The following PFKFB3 variants were observed in gnomAD, a reference collection of about 807,000 sequenced individuals.
The protein encoded by PFKFB3 is 6-phosphofructo-2-kinase/fructose-2,6-bisphosphatase 3.
Under a neutral mutation model 68.0 loss-of-function variants are expected in PFKFB3, and 33 were observed. The observed-to-expected ratio is 0.49, with a 90% confidence interval of 0.37 to 0.65. The LOEUF (loss-of-function observed/expected upper bound fraction) is 0.65. PFKFB3 is among the 30% of genes least tolerant of loss of function. PFKFB3 has a pLI of 0.00. For synonymous variants in PFKFB3, 315 were observed against 288.2 expected (o/e 1.09, Z -0.94); for missense variants, 586 against 712.2 (o/e 0.82, Z 2.02).
intron 14 of PFKFB3, among the ~76,000 whole-genome samples, chr10:6,251,369 T>A (rs528282650): frequency 2.6e-4 from 40 of 152,322 alleles, no homozygotes; most frequent in African/African-American, 9.4e-4. Flanking sequence ...CTTGCTCTCT[T>A]GAGTTTTTTG....
chr10:6,232,724 C>G (rs1430397884), intron 14 of PFKFB3, among the ~76,000 whole-genome samples, 171 bp from the exon 15 acceptor site: 1 of 152,202 alleles, frequency 6.6e-6, no homozygotes, highest in Admixed American at 6.5e-5. Flanking sequence ...TGAGGCCCAC[C>G]TGGGCTCTCT....
intron 1 of PFKFB3, among the ~76,000 whole-genome samples, chr10:6,211,554 A>C (rs763917405): frequency 6.2e-4 from 95 of 152,158 alleles, no homozygotes; most frequent in Non-Finnish European, 1.0e-3. Flanking sequence ...GACCCTGGGC[A>C]CGGTGGGGTG....
At chr10:6,156,652 T>G (rs1244630074) in intron 1 of PFKFB3, among the ~76,000 whole-genome samples, 1 of 148,622 alleles carries the variant, frequency 6.7e-6, no homozygotes, top group Non-Finnish European at 1.5e-5. Context: ...CATGCCCGGC[T>G]AATTTTTGTA....
the PFKFB3 span, among the ~76,000 whole-genome samples, chr10:6,291,396 A>G: frequency 6.6e-6 from 1 of 152,146 alleles, no homozygotes; most frequent in African/African-American, 2.4e-5. Flanking sequence ...CACAAAAAAT[A>G]AAAAGATTAG....
At chr10:6,253,958 C>T (rs10795940) in intron 14 of PFKFB3, among the ~76,000 whole-genome samples, 99,033 of 151,912 alleles carry the variant, frequency 0.65, 36,374 homozygotes, top group Non-Finnish European at 0.83. Flanking sequence ...GCAGGAGGAT[C>T]GCTTGAACCC....
the PFKFB3 span, among the ~76,000 whole-genome samples, chr10:6,267,289 C>T: frequency 2.6e-5 from 4 of 152,354 alleles, no homozygotes; most frequent in East Asian, 3.9e-4. Context: ...CGCTTGATAA[C>T]GCTCATGTTC....
chr10:6,207,518 C>T (rs189558060), intron 1 of PFKFB3, among the ~76,000 whole-genome samples: 28 of 152,294 alleles, frequency 1.8e-4, no homozygotes, highest in African/African-American at 6.7e-4. Context: ...TCTCGAACTC[C>T]TGGCCTCAAG....
intron 1 of PFKFB3, among the ~76,000 whole-genome samples, chr10:6,183,626 T>C (rs944049295): frequency 6.8e-6 from 1 of 147,068 alleles, no homozygotes; most frequent in African/African-American, 2.5e-5. Flanking sequence ...TATATATATA[T>C]ATATATGTAT....
intron 14 of PFKFB3, among the ~76,000 whole-genome samples, chr10:6,253,111 G>A (rs963021549): frequency 2.0e-5 from 3 of 152,072 alleles, no homozygotes; most frequent in Non-Finnish European, 2.9e-5. Flanking sequence ...GTAGAGACGG[G>A]GTTTCACCAT....
chr10:6,185,350 GT>G (rs1267874355), intron 1 of PFKFB3, among the ~76,000 whole-genome samples: 2 of 152,356 alleles, frequency 1.3e-5, no homozygotes, highest in East Asian at 3.9e-4. Context: ...TGGCAGGAGG[GT>G]TAGCCACTAA....
chr10:6,249,178 T>TAAAAAAAAAA (rs71391803), intron 14 of PFKFB3, among the ~76,000 whole-genome samples: 2,270 of 73,610 alleles, frequency 0.031, 4 homozygotes, highest in Non-Finnish European at 0.044. Flanking sequence ...CCGTCTCAAT[T>TAAAAAAAAAA]AAAAAAAAAA....
chr10:6,219,454 T>A, intron 6 of PFKFB3, 115 bp from the exon 7 acceptor site: 3 of 1,127,346 alleles, frequency 2.7e-6, no homozygotes, highest in Non-Finnish European at 4.0e-6. Flanking sequence ...CTGGGCCGGA[T>A]AATCTTTATA....
At chr10:6,318,803 G>A in the PFKFB3 span, among the ~76,000 whole-genome samples, 1 of 152,162 alleles carries the variant, frequency 6.6e-6, no homozygotes, top group African/African-American at 2.4e-5. Flanking sequence ...TCTGGCCACG[G>A]GACCAGCTCC....
chr10:6,177,508 GCT>G (rs1842562329), intron 1 of PFKFB3, among the ~76,000 whole-genome samples: 2 of 31,728 alleles, frequency 6.3e-5, no homozygotes, highest in South Asian at 9.9e-4. Context: ...TCTCTCTCTC[GCT>G]CTCTCTTTCC....
At chr10:6,171,636 T>C (rs978228669) in intron 1 of PFKFB3, among the ~76,000 whole-genome samples, 1 of 152,140 alleles carries the variant, frequency 6.6e-6, no homozygotes, top group African/African-American at 2.4e-5. Flanking sequence ...CAAAAGATTC[T>C]CCTGCCTTGG....
intron 14 of PFKFB3, among the ~76,000 whole-genome samples, chr10:6,253,488 A>G (rs1409749330): frequency 1.3e-5 from 2 of 152,170 alleles, no homozygotes; most frequent in African/African-American, 4.8e-5. Context: ...GTCAATGGCC[A>G]TGCATCAGGG....
intron 1 of PFKFB3, among the ~76,000 whole-genome samples, chr10:6,174,313 C>T (rs1054987732): frequency 6.6e-6 from 1 of 152,226 alleles, no homozygotes; most frequent in Non-Finnish European, 1.5e-5. Flanking sequence ...TCCAGCCTTA[C>T]AGCCTAGTTT....
chr10:6,217,156 T>C lies in PFKFB3; in HGVS notation c.463T>C (p.Cys155Arg). 1 of 1,614,188 alleles carries C rather than the reference T, an allele frequency of 6.2e-7. No individual in the cohort carries two copies. Among genetic ancestry groups the C allele is most frequent in the Non-Finnish European group, 8.5e-7 (1 of 1,180,028 alleles). ...DFKAFFIESVCDDPTVVASNI... is the reference protein window; with the variant it reads ...DFKAFFIESVRDDPTVVASNI... ...CCAGGCGTTTTTCATCGAGTCGGTG[T>C]GCGACGACCCTACAGTTGTGGCCTC... Residue 155 changes from cysteine to arginine, a missense_variant, in exon 6 of 15, where the codon TGC (cysteine) becomes CGC (arginine). Cys to Arg is a radical substitution (Grantham distance 180). Transcript: ENST00000379775.
At chr10:6,298,201 C>G in the PFKFB3 span, among the ~76,000 whole-genome samples, 2 of 152,102 alleles carry the variant, frequency 1.3e-5, no homozygotes, top group African/African-American at 2.4e-5. Context: ...TTAAGCCAAG[C>G]CAAACACACT....
Sources: allele counts gnomAD v4.1 joint callset (sites outside exome capture counted in the v4.1 genomes callset), GRCh38; gene constraint gnomAD v4.1.1; transcripts MANE v1.5; gene names NCBI Gene and HGNC (gene_info 2026-07-23, HGNC 2026-07-21).